Variants in CSMD2 observed in about 807,000 individuals in gnomAD.
CSMD2 encodes CUB and Sushi multiple domains 2.
A neutral mutation model predicts 398.5 loss-of-function variants in CSMD2; 130 were observed. The observed-to-expected ratio is 0.33, with a 90% CI of 0.28 to 0.38. CSMD2 has a LOEUF of 0.38. Ranked by LOEUF, CSMD2 falls within the 10% of genes least tolerant of loss-of-function variation. The pLI is 1.00. For synonymous variants in CSMD2, 1,828 were observed against 1,908.5 expected (o/e 0.96, Z 1.10); for missense variants, 3,829 against 4,764.9 (o/e 0.80, Z 5.78).
intron 5 of CSMD2, among the ~76,000 whole-genome samples, chr1:33,891,214 C>A (rs868728596): frequency 2.7e-4 from 34 of 124,962 alleles, no homozygotes; most frequent in Admixed American, 8.9e-4. Flanking sequence ...AAAAAAAAAA[C>A]AACCCCATCA....
chr1:33,784,133 G>A (rs1219985401), intron 12 of CSMD2, among the ~76,000 whole-genome samples: 2 of 152,216 alleles, frequency 1.3e-5, no homozygotes, highest in African/African-American at 4.8e-5. Context: ...CAGAGTTTGG[G>A]TTGAGGCTGA....
At chr1:34,076,928 A>AAAAAAATATAT (rs1232288848) in intron 2 of CSMD2, among the ~76,000 whole-genome samples, 29 of 53,582 alleles carry the variant, frequency 5.4e-4, no homozygotes, top group Non-Finnish European at 7.7e-4. Flanking sequence ...AAAAAAAAAA[A>AAAAAAATATAT]ATATATATAT....
chr1:33,827,798 C>T (rs1218505456), intron 6 of CSMD2, among the ~76,000 whole-genome samples: 4 of 152,192 alleles, frequency 2.6e-5, no homozygotes, highest in Non-Finnish European at 5.9e-5. Context: ...TGCTGTAAGT[C>T]ACACAGCCAG....
chr1:33,648,473 A>C (rs1430902469), intron 28 of CSMD2, among the ~76,000 whole-genome samples: 1 of 152,154 alleles, frequency 6.6e-6, no homozygotes, highest in African/African-American at 2.4e-5. Flanking sequence ...TTACCAGTAC[A>C]ATCCGGAAGA....
intron 12 of CSMD2, among the ~76,000 whole-genome samples, chr1:33,775,420 T>C (rs188982080): frequency 2.4e-4 from 37 of 152,300 alleles, no homozygotes; most frequent in South Asian, 4.2e-4. Flanking sequence ...AGTTTTTTTT[T>C]CCCCATCACT....
chr1:33,859,743 T>A (rs985720992), intron 5 of CSMD2, among the ~76,000 whole-genome samples: 2 of 152,196 alleles, frequency 1.3e-5, no homozygotes, highest in African/African-American at 4.8e-5. Context: ...GTATGTTTGC[T>A]GTTGTTGCTG....
At chr1:33,616,245 G>A (rs527435389) in intron 39 of CSMD2, among the ~76,000 whole-genome samples, 10 of 147,012 alleles carry the variant, frequency 6.8e-5, no homozygotes, top group South Asian at 4.4e-4. Flanking sequence ...CTTGTCTTTC[G>A]TTTTTTTTTT....
intron 1 of CSMD2, among the ~76,000 whole-genome samples, chr1:34,106,320 C>G (rs1257096468): frequency 6.6e-6 from 1 of 152,156 alleles, no homozygotes; most frequent in African/African-American, 2.4e-5. Flanking sequence ...AAGGGGCCAA[C>G]ATTTCTGTGG....
chr1:34,010,641 C>T (rs1042381184), intron 3 of CSMD2, among the ~76,000 whole-genome samples: 13 of 151,044 alleles, frequency 8.6e-5, no homozygotes, highest in African/African-American at 1.2e-4. Context: ...TTTTTTGTGA[C>T]GGAGTCTCGC....
At chr1:34,047,328 T>A (rs576270463) in intron 2 of CSMD2, among the ~76,000 whole-genome samples, 2 of 152,334 alleles carry the variant, frequency 1.3e-5, no homozygotes, top group East Asian at 1.9e-4. Flanking sequence ...TTCCCCCAGA[T>A]GTGTATGGCT....
chr1:33,698,988 C>T (rs1645516716), intron 23 of CSMD2, 44 bp from the exon 24 acceptor site: 1 of 1,523,536 alleles, frequency 6.6e-7, no homozygotes, highest in African/African-American at 1.4e-5. Flanking sequence ...CCTATTGTGG[C>T]AGAAACCATG....
chr1:34,101,860 T>C (rs934493788), intron 1 of CSMD2, among the ~76,000 whole-genome samples: 1 of 152,188 alleles, frequency 6.6e-6, no homozygotes, highest in African/African-American at 2.4e-5. Context: ...CTGAAGTTTC[T>C]AAATGTTATA....
intron 2 of CSMD2, among the ~76,000 whole-genome samples, chr1:34,077,782 A>G (rs1441192999): frequency 6.6e-6 from 1 of 150,752 alleles, no homozygotes; most frequent in East Asian, 1.9e-4. Flanking sequence ...AGGAGACTCC[A>G]AAAGGGAGGA....
At chr1:33,674,308 CT>C (rs200859228) in intron 25 of CSMD2, among the ~76,000 whole-genome samples, 16,399 of 152,022 alleles carry the variant, frequency 0.11, 979 homozygotes, top group South Asian at 0.21. Context: ...GGTTGCAATC[CT>C]AGTCTCTGAT....
intron 13 of CSMD2, among the ~76,000 whole-genome samples, chr1:33,771,728 G>A (rs567858702): frequency 3.9e-5 from 6 of 152,100 alleles, no homozygotes; most frequent in Non-Finnish European, 7.4e-5. Context: ...CCACTGAGCC[G>A]GGTGAAGGAT....
Position 33,842,668 on chromosome 1 carries a change from A to G in CSMD2, c.1033+4216T>C, listed in dbSNP as rs531987909. ...GCTAAAGCAGCCATAGACCAGGTGT[A>G]AATGAATGAGCGTAGCTGTGTTTCA... On this transcript the variant is annotated intron_variant, in intron 6 of 70. Coordinates refer to ENST00000373381, the MANE Select transcript of CSMD2 (RefSeq NM_001281956.2). Among the ~76,000 whole-genome samples the G allele has an allele frequency of 7.5e-4, 114 of 152,364 alleles. 1 individual carries two copies. Among genetic ancestry groups the G allele is most frequent in the African/African-American group, 2.7e-3 (112 of 41,592 alleles).
chr1:33,692,685 C>T (rs1040974674), intron 25 of CSMD2, among the ~76,000 whole-genome samples: 9 of 152,204 alleles, frequency 5.9e-5, no homozygotes, highest in African/African-American at 1.7e-4. Context: ...TCCATGCCCT[C>T]GGCTACTCTG....
intron 57 of CSMD2, 56 bp downstream of exon 57, chr1:33,545,981 A>C: frequency 6.5e-7 from 1 of 1,531,250 alleles, no homozygotes; most frequent in Non-Finnish European, 8.9e-7. Flanking sequence ...GAGCAGGAGC[A>C]GGGGCGAGCT....
chr1:33,569,496 G>A lies in CSMD2; in HGVS notation c.8009C>T (p.Thr2670Ile), dbSNP rs540115279. 3.3e-5 allele frequency: 53 copies of A among 1,614,214 alleles called. 1 individual carries two copies. The South Asian group carries it at 4.6e-4, about 14-fold the overall frequency. ...GGCTGTTGCCCCGTAGACAGACAGT[G>A]TTCCGATGCGGTGGCCATTGGGGGG... ...PIPPNGHRIG[T>I]LSVYGATAIF... The change falls in exon 52 of 71, where the codon ACA becomes ATA. Residue 2670 changes from threonine to isoleucine, a missense_variant. Physicochemically the swap from Thr to Ile is moderately conservative, Grantham distance 89. Transcript: ENST00000373381.
Sources: allele counts gnomAD v4.1 joint callset (sites outside exome capture counted in the v4.1 genomes callset), GRCh38; gene constraint gnomAD v4.1.1; transcripts MANE v1.5; gene names NCBI Gene and HGNC (gene_info 2026-07-23, HGNC 2026-07-21).